Variants in PLS1 observed in about 807,000 individuals in gnomAD.
The protein encoded by PLS1 is plastin 1.
Under a neutral mutation model 73.7 loss-of-function variants are expected in PLS1, and 32 were observed. That is an observed-to-expected ratio of 0.43 (90% CI 0.33 to 0.58). The LOEUF (loss-of-function observed/expected upper bound fraction) is 0.58. PLS1 is among the 20% of genes least tolerant of loss of function. The probability of loss-of-function intolerance (pLI) is 0.04; values close to 1 mark genes in which losing one functional copy is unlikely to be tolerated. For synonymous variants in PLS1, 217 were observed against 261.3 expected (o/e 0.83, Z 1.63); for missense variants, 633 against 740.5 (o/e 0.85, Z 1.68).
intron 10 of PLS1, among the ~76,000 whole-genome samples, chr3:142,691,794 CAT>C (rs2038091426): frequency 6.6e-6 from 1 of 152,102 alleles, no homozygotes; most frequent in Non-Finnish European, 1.5e-5. Context: ...ATCCCAAATT[CAT>C]ATGTTAGTAT....
At chr3:142,652,799 G>A (rs1368791700) in intron 1 of PLS1, among the ~76,000 whole-genome samples, 1 of 148,844 alleles carries the variant, frequency 6.7e-6, no homozygotes, top group Non-Finnish European at 1.5e-5. Flanking sequence ...TTGCTTGTTT[G>A]TTTTTGGCAT....
intron 10 of PLS1, 104 bp from the exon 11 acceptor site, chr3:142,694,365 T>C: frequency 1.7e-6 from 1 of 593,138 alleles, no homozygotes; most frequent in Non-Finnish European, 3.0e-6. Flanking sequence ...TAAAGAACCA[T>C]GGCAAGGTAG....
At chr3:142,617,145 GA>G (rs1577779612) in intron 1 of PLS1, among the ~76,000 whole-genome samples, 1 of 142,298 alleles carries the variant, frequency 7.0e-6, no homozygotes. Flanking sequence ...TGATTAGGAA[GA>G]TTTTTTTTTT....
At chr3:142,665,604 T>C (rs1217149917) in intron 2 of PLS1, among the ~76,000 whole-genome samples, 2 of 152,216 alleles carry the variant, frequency 1.3e-5, no homozygotes, top group African/African-American at 4.8e-5. Context: ...TCTCGTAGTT[T>C]GATATTTCTG....
At chr3:142,651,672 C>T (rs372558200) in intron 1 of PLS1, among the ~76,000 whole-genome samples, 1 of 152,066 alleles carries the variant, frequency 6.6e-6, no homozygotes, top group African/African-American at 2.4e-5. Flanking sequence ...CATCAAGGCT[C>T]CCTGGGAGGC....
At position 142,660,293 on chromosome 3, in the gene PLS1, T is replaced by G. The variant is rs2037341054; in HGVS notation, c.-36-3909T>G. 3.3e-5 allele frequency among the ~76,000 whole-genome samples: 5 copies of G among 152,328 alleles called. No homozygotes were observed. In the South Asian group the frequency reaches 8.3e-4, roughly 25 times the overall value. On this transcript the variant is annotated intron_variant, in intron 1 of 15. Transcript: ENST00000457734. ...GATACCATCACTCTCCCTGCCACAC[T>G]TACTTTTCTGTATCTTGTTTTGTTT...
chr3:142,672,444 G>A (rs1012933379), intron 4 of PLS1, among the ~76,000 whole-genome samples: 16 of 149,734 alleles, frequency 1.1e-4, no homozygotes, highest in African/African-American at 3.9e-4. Context: ...CCAGGTTCAC[G>A]TCATTCTCTT....
chr3:142,643,724 A>G (rs1330282827), intron 1 of PLS1, among the ~76,000 whole-genome samples: 1 of 152,218 alleles, frequency 6.6e-6, no homozygotes, highest in Non-Finnish European at 1.5e-5. Context: ...AATAAGGAAC[A>G]TAATCTGGGA....
intron 1 of PLS1, among the ~76,000 whole-genome samples, chr3:142,611,948 G>A (rs2036129469): frequency 6.6e-6 from 1 of 152,106 alleles, no homozygotes; most frequent in South Asian, 2.1e-4. Flanking sequence ...ACTTGTTTAA[G>A]GTGATATAGT....
At chr3:142,611,752 A>C (rs975457639) in intron 1 of PLS1, among the ~76,000 whole-genome samples, 1 of 152,198 alleles carries the variant, frequency 6.6e-6, no homozygotes, top group African/African-American at 2.4e-5. Flanking sequence ...TTTTATGATA[A>C]TCATGAATCA....
chr3:142,676,002 C>G (rs1469278427), intron 4 of PLS1, among the ~76,000 whole-genome samples, 155 bp from the exon 5 acceptor site: 21 of 152,212 alleles, frequency 1.4e-4, no homozygotes, highest in Non-Finnish European at 1.5e-5. Context: ...TTTCTTGAAC[C>G]CTTTTGTGTT....
chr3:142,672,456 C>A (rs573221153), intron 4 of PLS1, among the ~76,000 whole-genome samples: 1 of 151,156 alleles, frequency 6.6e-6, no homozygotes, highest in East Asian at 1.9e-4. Flanking sequence ...CATTCTCTTG[C>A]CTCAGCCTCC....
At chr3:142,709,517 T>C (rs1933010829) in intron 14 of PLS1, among the ~76,000 whole-genome samples, 1 of 152,108 alleles carries the variant, frequency 6.6e-6, no homozygotes, top group Admixed American at 6.6e-5. Context: ...TATAAATTTT[T>C]CTAAAATTAA....
chr3:142,676,337 T>G, intron 5 of PLS1, 48 bp downstream of exon 5: 1 of 1,568,592 alleles, frequency 6.4e-7, no homozygotes, highest in South Asian at 1.2e-5. Context: ...CTGATTACAT[T>G]GATGAGCATT....
intron 12 of PLS1, among the ~76,000 whole-genome samples, chr3:142,702,221 T>C (rs1454204202): frequency 6.6e-6 from 1 of 152,230 alleles, no homozygotes; most frequent in East Asian, 1.9e-4. Context: ...ACCCAGCTTC[T>C]CCTTGGATTT....
chr3:142,663,436 G>C (rs1162428549), intron 1 of PLS1, among the ~76,000 whole-genome samples: 6 of 151,956 alleles, frequency 3.9e-5, no homozygotes, highest in Non-Finnish European at 8.8e-5. Context: ...GAATACAAAA[G>C]CCCCCTTGCC....
At chr3:142,620,882 G>A (rs1263343282) in intron 1 of PLS1, among the ~76,000 whole-genome samples, 1 of 152,144 alleles carries the variant, frequency 6.6e-6, no homozygotes, top group Non-Finnish European at 1.5e-5. Flanking sequence ...GCTGGGCGCG[G>A]TGGCAGGTGC....
intron 1 of PLS1, among the ~76,000 whole-genome samples, chr3:142,615,620 A>G (rs113871411): frequency 0.038 from 5,745 of 152,160 alleles, 366 homozygotes; most frequent in African/African-American, 0.13. Context: ...CCTTCCTAAT[A>G]TCCTTCTTCC....
At chr3:142,704,023 G>A (rs1242162783) in intron 13 of PLS1, 22 bp downstream of exon 13, 2 of 1,606,658 alleles carry the variant, frequency 1.2e-6, no homozygotes, top group Non-Finnish European at 1.7e-6. Context: ...TATGTTGGTA[G>A]CAACACTGCC....
Sources: allele counts gnomAD v4.1 joint callset (sites outside exome capture counted in the v4.1 genomes callset), GRCh38; gene constraint gnomAD v4.1.1; transcripts MANE v1.5; gene names NCBI Gene and HGNC (gene_info 2026-07-23, HGNC 2026-07-21).